Variants in NELL1 observed in about 807,000 individuals in gnomAD.
The protein encoded by NELL1 is protein kinase C-binding protein NELL1.
NELL1 carries 76 observed loss-of-function variants against 107.4 expected under a neutral mutation model. The observed-to-expected ratio is 0.71, with a 90% confidence interval of 0.59 to 0.86. The LOEUF (loss-of-function observed/expected upper bound fraction) is 0.86, where lower values mean the gene tolerates loss of function less well. Ranked by LOEUF, NELL1 falls within the 40% of genes least tolerant of loss-of-function variation. The probability of loss-of-function intolerance (pLI) is 0.00; values close to 1 mark genes in which losing one functional copy is unlikely to be tolerated. For synonymous variants in NELL1, 353 were observed against 341.2 expected (o/e 1.03, Z -0.38); for missense variants, 1,024 against 1,005.5 (o/e 1.02, Z -0.25).
intron 4 of NELL1, among the ~76,000 whole-genome samples, chr11:20,864,852 A>G (rs1224128523): frequency 2.6e-5 from 4 of 152,152 alleles, no homozygotes; most frequent in Non-Finnish European, 4.4e-5. Context: ...CAGTTTGGCA[A>G]CTTGCTTGGA....
At chr11:21,208,449 T>A (rs1044295789) in intron 13 of NELL1, among the ~76,000 whole-genome samples, 1 of 150,040 alleles carries the variant, frequency 6.7e-6, no homozygotes, top group South Asian at 2.1e-4. Context: ...ATGTCATATT[T>A]AATACATAAT....
intron 14 of NELL1, among the ~76,000 whole-genome samples, chr11:21,349,054 T>C (rs1850745203): frequency 6.6e-6 from 1 of 151,996 alleles, no homozygotes; most frequent in Non-Finnish European, 1.5e-5. Context: ...TAATGAGATG[T>C]AGAGGAAAGC....
At chr11:20,876,846 T>A (rs189876776) in intron 4 of NELL1, among the ~76,000 whole-genome samples, 2 of 152,302 alleles carry the variant, frequency 1.3e-5, no homozygotes, top group South Asian at 2.1e-4. Context: ...CCTGTCACAG[T>A]CAGTAAACTT....
chr11:21,428,226 G>A (rs1347084059), intron 15 of NELL1, among the ~76,000 whole-genome samples: 1 of 152,160 alleles, frequency 6.6e-6, no homozygotes, highest in African/African-American at 2.4e-5. Context: ...GAGGTGGAGA[G>A]AGAACACACC....
intron 3 of NELL1, among the ~76,000 whole-genome samples, chr11:20,809,006 G>A (rs1220613065): frequency 6.6e-6 from 1 of 152,166 alleles, no homozygotes. Context: ...TTTTGTGTGT[G>A]TGTAGATAGC....
intron 16 of NELL1, among the ~76,000 whole-genome samples, chr11:21,548,539 G>A (rs1355909343): frequency 6.6e-6 from 1 of 151,802 alleles, no homozygotes; most frequent in Non-Finnish European, 1.5e-5. Flanking sequence ...AAAACCATCA[G>A]TTCTTGTGAG....
chr11:21,569,616 A>G (rs1439963141), intron 17 of NELL1, among the ~76,000 whole-genome samples: 2 of 151,898 alleles, frequency 1.3e-5, no homozygotes, highest in Non-Finnish European at 2.9e-5. Flanking sequence ...AGTACATAAG[A>G]GCTGTCTTCT....
At chr11:21,252,850 TACTTAA>T (rs747819797) in intron 14 of NELL1, among the ~76,000 whole-genome samples, 3 of 152,178 alleles carry the variant, frequency 2.0e-5, no homozygotes, top group Non-Finnish European at 4.4e-5. Flanking sequence ...AGCTTTCTAT[TACTTAA>T]ACTTAAACAT....
intron 5 of NELL1, among the ~76,000 whole-genome samples, chr11:20,900,617 G>A (rs908654266): frequency 6.6e-6 from 1 of 152,056 alleles, no homozygotes; most frequent in Non-Finnish European, 1.5e-5. Context: ...CTAATTTTAT[G>A]AGCATAGGTC....
intron 13 of NELL1, among the ~76,000 whole-genome samples, chr11:21,201,251 T>C (rs1857262950): frequency 2.0e-5 from 3 of 152,240 alleles, no homozygotes; most frequent in South Asian, 2.1e-4. Context: ...TATTGAGTTT[T>C]CCCATTCATG....
chr11:20,689,140 T>C (rs989847834), intron 2 of NELL1, among the ~76,000 whole-genome samples: 7 of 152,066 alleles, frequency 4.6e-5, no homozygotes, highest in Admixed American at 2.0e-4. Context: ...TTTTGCTTGT[T>C]CAATTGTTTA....
chr11:21,515,023 G>C (rs1208535238), intron 15 of NELL1, among the ~76,000 whole-genome samples: 3 of 152,172 alleles, frequency 2.0e-5, no homozygotes, highest in Non-Finnish European at 4.4e-5. Flanking sequence ...GTAAAATTGA[G>C]GGTAAAGCAA....
intron 14 of NELL1, among the ~76,000 whole-genome samples, chr11:21,246,469 A>G (rs1858494552): frequency 6.6e-6 from 1 of 152,150 alleles, no homozygotes; most frequent in Non-Finnish European, 1.5e-5. Context: ...TGTATTACTT[A>G]ATGATGGAGA....
chr11:21,260,885 A>T (rs1848516456), intron 14 of NELL1: 1 of 151,866 alleles, frequency 6.6e-6, no homozygotes, highest in Non-Finnish European at 1.5e-5. Flanking sequence ...CATGGAAGTT[A>T]ATTCATTTTT....
intron 12 of NELL1, among the ~76,000 whole-genome samples, chr11:21,000,256 A>C (rs1565008209): frequency 7.3e-6 from 1 of 136,124 alleles, no homozygotes; most frequent in Non-Finnish European, 1.5e-5. Flanking sequence ...CCTAAAACTT[A>C]AAGTATAATA....
chr11:21,343,031 C>T lies in NELL1; in HGVS notation c.1550-27822C>T, dbSNP rs146387678. Reference sequence around the variant, plus strand: ...CACAGCCTAGGCCCCAGAGACCTGTCGCTTGGACTATTCAACTGCCTCCTA... The same window carrying T: ...CACAGCCTAGGCCCCAGAGACCTGTTGCTTGGACTATTCAACTGCCTCCTA... On this transcript the variant is annotated intron_variant, in intron 14 of 19. Coordinates refer to ENST00000357134, the MANE Select transcript of NELL1 (RefSeq NM_006157.5). 6.2e-3 allele frequency among the ~76,000 whole-genome samples: 938 copies of T among 152,206 alleles called. 6 individuals carry two copies. Among genetic ancestry groups the T allele is most frequent in the Middle Eastern group, 0.034 (10 of 294 alleles).
At chr11:20,972,687 T>A (rs945756095) in intron 12 of NELL1, among the ~76,000 whole-genome samples, 2 of 152,136 alleles carry the variant, frequency 1.3e-5, no homozygotes, top group African/African-American at 2.4e-5. Flanking sequence ...AGAAAAAGAA[T>A]TGGGAGGCAT....
chr11:20,739,766 C>T (rs966520647), intron 2 of NELL1, among the ~76,000 whole-genome samples: 7 of 152,018 alleles, frequency 4.6e-5, no homozygotes, highest in Admixed American at 2.0e-4. Flanking sequence ...GCAGGGTTCA[C>T]AAGAGGATGT....
At chr11:21,467,277 T>C (rs1854055763) in intron 15 of NELL1, among the ~76,000 whole-genome samples, 1 of 152,086 alleles carries the variant, frequency 6.6e-6, no homozygotes, top group Non-Finnish European at 1.5e-5. Context: ...GAGATAGCAA[T>C]AGTACCTATC....
Sources: allele counts gnomAD v4.1 joint callset (sites outside exome capture counted in the v4.1 genomes callset), GRCh38; gene constraint gnomAD v4.1.1; transcripts MANE v1.5; gene names NCBI Gene and HGNC (gene_info 2026-07-23, HGNC 2026-07-21).